DOCK3: variants seen among roughly 807,000 people sequenced by gnomAD.
The protein encoded by DOCK3 is dedicator of cytokinesis 3.
Under a neutral mutation model 265.6 loss-of-function variants are expected in DOCK3, and 60 were observed. That is an observed-to-expected ratio of 0.23 (90% CI 0.18 to 0.28). The LOEUF (loss-of-function observed/expected upper bound fraction) is 0.28. Among genes scored for constraint, DOCK3 ranks in the 10% least tolerant of loss-of-function variants. The pLI, the probability that DOCK3 is intolerant of heterozygous loss-of-function variation, is 1.00. For synonymous variants in DOCK3, 881 were observed against 938.0 expected, an observed-to-expected ratio of 0.94 and a Z score of 1.11; for missense variants, 1,981 against 2,594.3, an observed-to-expected ratio of 0.76 and a Z score of 5.14.
chr3:50,913,618 T>C (rs1163556683), intron 4 of DOCK3, among the ~76,000 whole-genome samples: 1 of 152,104 alleles, frequency 6.6e-6, no homozygotes, highest in Non-Finnish European at 1.5e-5. Flanking sequence ...GAACTCACCT[T>C]CCAACCACTG....
At chr3:51,079,910 G>A (rs1395125701) in intron 7 of DOCK3, among the ~76,000 whole-genome samples, 1 of 152,120 alleles carries the variant, frequency 6.6e-6, no homozygotes, top group Non-Finnish European at 1.5e-5. Flanking sequence ...ATAGCCCCCT[G>A]CTTCATTATT....
intron 37 of DOCK3, among the ~76,000 whole-genome samples, chr3:51,341,029 C>G (rs1219159029): frequency 6.6e-6 from 1 of 152,216 alleles, no homozygotes; most frequent in African/African-American, 2.4e-5. Context: ...AGGTGTCTAC[C>G]AGAATATTTG....
In DOCK3 at chr3:51,314,984, A is replaced by G; in HGVS notation, c.3258A>G (p.Glu1086=). ...AATTTGGGTTTTGTTTTTCAGGTGA[A>G]CATAAGATCCACTTTATTCCGGGAA... is the stretch of plus-strand genomic sequence containing the variant. ...ELFSMWQNLG[E]HKIHFIPGMI... Residue 1086 remains glutamate (E), a synonymous_variant, in exon 32 of 53, where the codon GAA becomes GAG. Transcript: ENST00000266037. 1 of 1,602,914 alleles carries G rather than the reference A, an allele frequency of 6.2e-7. No homozygotes were observed. The highest frequency in any genetic ancestry group is 8.5e-7 in the Non-Finnish European group (1 of 1,173,310).
At chr3:50,757,163 CTT>C (rs34435343) in intron 1 of DOCK3, among the ~76,000 whole-genome samples, 2 of 81,626 alleles carry the variant, frequency 2.5e-5, no homozygotes, top group Non-Finnish European at 4.2e-5. Context: ...AGATTGTCGT[CTT>C]TTTTTTTTTT....
At chr3:51,187,590 C>T (rs1395094557) in intron 12 of DOCK3, among the ~76,000 whole-genome samples, 2 of 152,074 alleles carry the variant, frequency 1.3e-5, no homozygotes, top group African/African-American at 4.8e-5. Flanking sequence ...TCTGTGTCCC[C>T]ACCCAAATCT....
At chr3:51,085,307 C>G (rs1264352829) in intron 7 of DOCK3, among the ~76,000 whole-genome samples, 2 of 152,160 alleles carry the variant, frequency 1.3e-5, no homozygotes, top group African/African-American at 4.8e-5. Flanking sequence ...TTACTCTGTT[C>G]TATAGAACAA....
intron 22 of DOCK3, among the ~76,000 whole-genome samples, chr3:51,250,184 C>T (rs1484984975): frequency 2.0e-5 from 3 of 151,380 alleles, no homozygotes; most frequent in South Asian, 2.1e-4. Context: ...CCTTTGTTCA[C>T]TTGTTTATCT....
intron 5 of DOCK3, among the ~76,000 whole-genome samples, chr3:51,028,805 A>T (rs1377358582): frequency 6.6e-6 from 1 of 151,952 alleles, no homozygotes; most frequent in Admixed American, 6.6e-5. Context: ...GTTGTCTTTC[A>T]TATCTTGATC....
chr3:50,825,884 T>C (rs2044730087), intron 2 of DOCK3, among the ~76,000 whole-genome samples: 1 of 152,140 alleles, frequency 6.6e-6, no homozygotes, highest in Non-Finnish European at 1.5e-5. Context: ...GTCAGCTGAA[T>C]CTATGTTAGT....
At chr3:51,069,637 C>T (rs1297099918) in intron 6 of DOCK3, among the ~76,000 whole-genome samples, 4 of 149,944 alleles carry the variant, frequency 2.7e-5, no homozygotes, top group Non-Finnish European at 4.4e-5. Context: ...TCTTTCTCTC[C>T]GTCTGTCATT....
At chr3:50,915,723 A>G (rs1212579866) in intron 4 of DOCK3, among the ~76,000 whole-genome samples, 1 of 151,924 alleles carries the variant, frequency 6.6e-6, no homozygotes, top group Admixed American at 6.5e-5. Context: ...CAGCTGAGGT[A>G]CTGGGGTGTA....
At chr3:50,866,833 C>T (rs1258200218) in intron 3 of DOCK3, among the ~76,000 whole-genome samples, 5 of 152,080 alleles carry the variant, frequency 3.3e-5, no homozygotes, top group African/African-American at 1.2e-4. Flanking sequence ...GTTACTATAG[C>T]TCTGTAGTAT....
chr3:50,978,283 T>G (rs1219620052), intron 5 of DOCK3, among the ~76,000 whole-genome samples: 1 of 150,930 alleles, frequency 6.6e-6, no homozygotes, highest in Non-Finnish European at 1.5e-5. Context: ...TTTTATCTAC[T>G]TTTGGTCTTT....
At chr3:50,939,101 A>C (rs2051553245) in intron 5 of DOCK3, among the ~76,000 whole-genome samples, 1 of 152,070 alleles carries the variant, frequency 6.6e-6, no homozygotes, top group Non-Finnish European at 1.5e-5. Context: ...GTAAAGAAAG[A>C]GATATCACCA....
chr3:51,139,040 T>G (rs1482768175), intron 9 of DOCK3, among the ~76,000 whole-genome samples: 1 of 152,096 alleles, frequency 6.6e-6, no homozygotes, highest in Non-Finnish European at 1.5e-5. Flanking sequence ...CACACATTCA[T>G]TTAGGGACCA....
intron 49 of DOCK3, among the ~76,000 whole-genome samples, chr3:51,366,616 G>T (rs2087196900): frequency 6.6e-6 from 1 of 152,278 alleles, no homozygotes; most frequent in South Asian, 2.1e-4. Context: ...GCTTTCTCTT[G>T]TGGGTATTTA....
chr3:50,964,103 G>GAATAC (rs1159095940), intron 5 of DOCK3, among the ~76,000 whole-genome samples: 22 of 152,190 alleles, frequency 1.4e-4, no homozygotes, highest in Admixed American at 6.5e-4. Context: ...GCGTCAGGTA[G>GAATAC]AATACTCAGG....
intron 5 of DOCK3, among the ~76,000 whole-genome samples, chr3:50,977,816 C>T (rs1455395270): frequency 1.3e-5 from 2 of 151,918 alleles, no homozygotes; most frequent in Admixed American, 6.6e-5. Context: ...CACATAGTCC[C>T]ATATTTCTTG....
intron 5 of DOCK3, among the ~76,000 whole-genome samples, chr3:50,982,957 G>A (rs879528153): frequency 2.0e-5 from 3 of 152,178 alleles, no homozygotes; most frequent in Admixed American, 6.5e-5. Flanking sequence ...TGGGAAGACC[G>A]CTCATTCCCC....
Sources: allele counts gnomAD v4.1 joint callset (sites outside exome capture counted in the v4.1 genomes callset), GRCh38; gene constraint gnomAD v4.1.1; transcripts MANE v1.5; gene names NCBI Gene and HGNC (gene_info 2026-07-23, HGNC 2026-07-21).